The following SPSB1 variants were observed in gnomAD, a reference collection of about 807,000 sequenced individuals.
SPSB1 encodes SPRY domain-containing SOCS box protein 1.
Under a neutral mutation model 21.2 loss-of-function variants are expected in SPSB1, and 8 were observed. The observed-to-expected ratio is 0.38, with a 90% confidence interval of 0.22 to 0.68. SPSB1 has a LOEUF of 0.68. Among genes scored for constraint, SPSB1 ranks in the 30% least tolerant of loss-of-function variants. SPSB1 has a pLI of 0.53. For synonymous variants in SPSB1, 169 were observed against 161.7 expected (o/e 1.05, Z -0.34); for missense variants, 242 against 377.8 (o/e 0.64, Z 2.98).
chr1:9,350,302 T>G (rs1010481589), intron 1 of SPSB1, among the ~76,000 whole-genome samples: 2 of 151,520 alleles, frequency 1.3e-5, no homozygotes, highest in African/African-American at 4.9e-5. Context: ...TTATTTAGAG[T>G]GAGTAGAGTT....
chr1:9,340,312 G>A (rs1040301442), intron 1 of SPSB1, among the ~76,000 whole-genome samples: 1 of 152,208 alleles, frequency 6.6e-6, no homozygotes, highest in Non-Finnish European at 1.5e-5. Flanking sequence ...CTGGTGTTTG[G>A]GGACTGGCCG....
intron 1 of SPSB1, among the ~76,000 whole-genome samples, chr1:9,295,217 A>AGT (rs5772365): frequency 0.041 from 6,023 of 148,626 alleles, 134 homozygotes; most frequent in East Asian, 0.072. Flanking sequence ...TGAGAGTGTG[A>AGT]GTGTGTGTGT....
intron 1 of SPSB1, among the ~76,000 whole-genome samples, chr1:9,332,357 G>A (rs944899736): frequency 2.0e-5 from 3 of 152,172 alleles, no homozygotes; most frequent in East Asian, 1.9e-4. Context: ...AATGTTTGGC[G>A]CTAATGTGGG....
intron 1 of SPSB1, among the ~76,000 whole-genome samples, chr1:9,350,147 ATTCT>A (rs1183154695): frequency 1.3e-5 from 2 of 152,118 alleles, no homozygotes; most frequent in African/African-American, 4.8e-5. Flanking sequence ...ACACACACAC[ATTCT>A]TTCTCCTGGT....
intron 1 of SPSB1, among the ~76,000 whole-genome samples, chr1:9,339,447 A>G (rs1310393171): frequency 1.3e-5 from 2 of 152,188 alleles, no homozygotes; most frequent in Non-Finnish European, 2.9e-5. Context: ...AGGTGCTCTG[A>G]GACGGCTGCA....
intron 1 of SPSB1, among the ~76,000 whole-genome samples, chr1:9,301,185 G>A (rs987520483): frequency 6.6e-6 from 1 of 152,294 alleles, no homozygotes; most frequent in Admixed American, 6.5e-5. Context: ...ATGATTGGAA[G>A]ATTGGTGACA....
intron 1 of SPSB1, among the ~76,000 whole-genome samples, chr1:9,353,563 A>G (rs959648334): frequency 6.6e-6 from 1 of 152,128 alleles, no homozygotes; most frequent in Non-Finnish European, 1.5e-5. Flanking sequence ...ATGGCTTTGC[A>G]GACACTGGAC....
rs534943568 is a variant in SPSB1, at chr1:9,324,654, C to T, written c.-149-31089C>T. 6.6e-6 allele frequency among the ~76,000 whole-genome samples: 1 copy of T among 152,128 alleles called. No homozygotes were observed. The highest frequency in any genetic ancestry group is 2.4e-5 in the African/African-American group (1 of 41,420). ...TGCCAGTGGCCAGCCTGTCTTGTTC[C>T]TATAAAGGGCACTTTGTGTGTGGCT... On this transcript the variant is annotated intron_variant, in intron 1 of 2. Coordinates refer to ENST00000328089, the MANE Select transcript of SPSB1 (RefSeq NM_025106.4). The surrounding 1 kb of genome is among the most constrained non-coding windows in gnomAD (Gnocchi z 4.3).
intron 1 of SPSB1, among the ~76,000 whole-genome samples, chr1:9,319,596 GCTGTGT>G (rs894276879): frequency 9.2e-5 from 14 of 152,218 alleles, no homozygotes; most frequent in Non-Finnish European, 1.9e-4. Context: ...GCCTGCGCAT[GCTGTGT>G]CTCACGGTGG....
chr1:9,320,645 C>G (rs1477042985), intron 1 of SPSB1, among the ~76,000 whole-genome samples: 1 of 152,174 alleles, frequency 6.6e-6, no homozygotes, highest in East Asian at 1.9e-4. Context: ...ACTGACTTGC[C>G]CCAAATCTCT....
chr1:9,298,416 GAATA>G (rs1165863461), intron 1 of SPSB1, among the ~76,000 whole-genome samples: 11 of 88,988 alleles, frequency 1.2e-4, no homozygotes, highest in African/African-American at 5.3e-4. Context: ...ACGAATGAAT[GAATA>G]AGTGAACGAA....
chr1:9,341,984 G>T (rs1303054883), intron 1 of SPSB1, among the ~76,000 whole-genome samples: 2 of 152,206 alleles, frequency 1.3e-5, no homozygotes, highest in Admixed American at 1.3e-4. Flanking sequence ...TTACAGGCGT[G>T]AGCCACCACG....
chr1:9,335,517 A>G (rs1223476530), intron 1 of SPSB1, among the ~76,000 whole-genome samples: 3 of 146,974 alleles, frequency 2.0e-5, no homozygotes, highest in Non-Finnish European at 3.0e-5. Flanking sequence ...AAAAAAAAAG[A>G]TCGTTGTGGG....
At chr1:9,347,700 ACTCATGCTGTCCCCAGCATCTTCATC>A (rs1640185684) in intron 1 of SPSB1, among the ~76,000 whole-genome samples, 1 of 87,436 alleles carries the variant, frequency 1.1e-5, no homozygotes, top group African/African-American at 4.5e-5. Flanking sequence ...ATGAGGTGGG[ACTCATGCTGTCCCCAGCATCTTCATC>A]CTCATGTCCC....
At chr1:9,306,550 G>T (rs1426116511) in intron 1 of SPSB1, among the ~76,000 whole-genome samples, 1 of 152,122 alleles carries the variant, frequency 6.6e-6, no homozygotes, top group Admixed American at 6.5e-5. Context: ...ATACCTATAG[G>T]GTAGGTACTA....
At chr1:9,341,760 T>G (rs1409014131) in intron 1 of SPSB1, among the ~76,000 whole-genome samples, 1 of 152,170 alleles carries the variant, frequency 6.6e-6, no homozygotes, top group Non-Finnish European at 1.5e-5. Flanking sequence ...TGGAGTACAA[T>G]AGCGCGATCT....
At chr1:9,318,136 A>T (rs1639644517) in intron 1 of SPSB1, among the ~76,000 whole-genome samples, 1 of 152,204 alleles carries the variant, frequency 6.6e-6, no homozygotes, top group Non-Finnish European at 1.5e-5. Flanking sequence ...TGGCCCAGTG[A>T]GGGTGGGGCC....
intron 1 of SPSB1, among the ~76,000 whole-genome samples, chr1:9,328,845 G>A (rs1051667622): frequency 2.0e-5 from 3 of 152,216 alleles, no homozygotes; most frequent in South Asian, 2.1e-4. Flanking sequence ...TGTGTCGGGC[G>A]TGGCTGGGCG....
At chr1:9,326,614 G>A (rs1338601217) in intron 1 of SPSB1, among the ~76,000 whole-genome samples, 1 of 152,186 alleles carries the variant, frequency 6.6e-6, no homozygotes, top group East Asian at 1.9e-4. Context: ...GAAGCTGGGG[G>A]ACCAGAGGCC....
Sources: gnomAD v4.1 joint callset for allele counts (sites outside exome capture counted in the v4.1 genomes callset) on GRCh38, gnomAD v4.1.1 for gene constraint, Gnocchi (gnomAD v3.1) non-coding constraint, MANE v1.5 for transcripts, NCBI Gene and HGNC (gene_info 2026-07-23, HGNC 2026-07-21) for gene names.